The following KIRREL3 variants were observed in gnomAD, a reference collection of about 807,000 sequenced individuals.
KIRREL3 encodes the protein kirre like nephrin family adhesion molecule 3.
A neutral mutation model predicts 89.7 loss-of-function variants in KIRREL3; 36 were observed. That is an observed-to-expected ratio of 0.40 (90% CI 0.31 to 0.53). The LOEUF (loss-of-function observed/expected upper bound fraction) is 0.53. Among genes scored for constraint, KIRREL3 ranks in the 20% least tolerant of loss-of-function variants. KIRREL3 has a pLI of 0.49. For missense variants in KIRREL3, 864 were observed against 1,056.6 expected (o/e 0.82, Z 2.53); for synonymous variants, 445 against 441.4 (o/e 1.01, Z -0.10).
rs1420874911 is a variant in KIRREL3, at chr11:126,628,215, C to A, written c.56-65303G>T. On this transcript the variant is annotated intron_variant, in intron 1 of 16. Transcript: ENST00000525144. The surrounding 1 kb of genome is among the most constrained non-coding windows in gnomAD (Gnocchi z 5.2). ...TGCATCCCACTGCACTGTCTGAGCA[C>A]TCATCAAGACCTGCTCACCACCCAC... Among the ~76,000 whole-genome samples, 1 of 152,192 alleles carries A rather than the reference C, an allele frequency of 6.6e-6. No individual in the cohort carries two copies. Among genetic ancestry groups the A allele is most frequent in the African/African-American group, 2.4e-5 (1 of 41,438 alleles).
At chr11:126,542,820 C>T (rs543021184) in intron 2 of KIRREL3, among the ~76,000 whole-genome samples, 29 of 152,310 alleles carry the variant, frequency 1.9e-4, no homozygotes, top group Middle Eastern at 3.4e-3. Flanking sequence ...GGAATGGGGA[C>T]AATTTGCCAA....
rs976399000 is a variant in KIRREL3, at chr11:126,973,849, C to T, written c.55+26606G>A. Among the ~76,000 whole-genome samples, 33 of 152,250 alleles carry T rather than the reference C, an allele frequency of 2.2e-4. 2 individuals are homozygous for T. The highest frequency in any genetic ancestry group is 7.2e-4 in the African/African-American group (30 of 41,542). ...TTCATCAAATATTTATTGTTGCTCC[C>T]ACTGTGCCAGGTACTATTGAAATCC... is the stretch of plus-strand genomic sequence containing the variant. On this transcript the variant is annotated intron_variant, in intron 1 of 16. Transcript: ENST00000525144.
rs144578900 is a variant in KIRREL3, at chr11:126,500,899, A to G, written c.433+20416T>C. ...CACGCTCTGACCATGTGAGGAGTTC[A>G]AGTATAATTTACTTCATTCACAGCT... On this transcript the variant is annotated intron_variant, in intron 4 of 16. Transcript: ENST00000525144. 6.3e-4 allele frequency among the ~76,000 whole-genome samples: 96 copies of G among 152,322 alleles called. 1 individual carries two copies. The East Asian group carries it at 0.017, about 27-fold the overall frequency.
At chr11:126,813,097 C>G (rs773200763) in intron 1 of KIRREL3, among the ~76,000 whole-genome samples, 1 of 152,080 alleles carries the variant, frequency 6.6e-6, no homozygotes, top group Non-Finnish European at 1.5e-5. Flanking sequence ...AAATAGGGCT[C>G]GTGTCTCCTT....
intron 1 of KIRREL3, among the ~76,000 whole-genome samples, chr11:126,949,280 T>C (rs1024374791): frequency 6.6e-6 from 1 of 152,164 alleles, no homozygotes; most frequent in Non-Finnish European, 1.5e-5. Flanking sequence ...GTGGTTACCA[T>C]GGCCTAGGAA....
chr11:126,919,081 A>G (rs1947163737), intron 1 of KIRREL3, among the ~76,000 whole-genome samples: 1 of 151,672 alleles, frequency 6.6e-6, no homozygotes, highest in African/African-American at 2.4e-5. Context: ...ACCCAAGGAG[A>G]TATGATTTTT....
chr11:126,928,625 T>G, intron 1 of KIRREL3, among the ~76,000 whole-genome samples: 1 of 152,224 alleles, frequency 6.6e-6, no homozygotes, highest in East Asian at 1.9e-4. Flanking sequence ...GTGTTAGCCA[T>G]GCTTGGGGGA....
Position 126,424,257 on chromosome 11 carries a change from C to A in KIRREL3, c.*323G>T. The A allele has an allele frequency of 2.4e-6, 1 of 416,682 alleles. No homozygotes were observed. Among genetic ancestry groups the A allele is most frequent in the Admixed American group, 3.7e-5 (1 of 27,258 alleles). The allele number at this position is 416,682 out of a possible 1,614,324, so 25.8% of individuals were successfully genotyped here. A position where few individuals can be genotyped will look rare whatever the true frequency, so the allele number is the denominator to read the frequency against. On this transcript the variant is annotated 3_prime_UTR_variant, in exon 17 of 17. Transcript: ENST00000525144. Reference sequence around the variant, plus strand: ...CAGTTTCATGAAAGCAGAGTTATAGCTGCCACTTGTGCCTGTGGGCAGAGC... The same window carrying A: ...CAGTTTCATGAAAGCAGAGTTATAGATGCCACTTGTGCCTGTGGGCAGAGC...
In KIRREL3 at chr11:126,579,549, AGAG is replaced by A. The variant is rs1327500888; in HGVS notation, c.56-16640_56-16638del. 2.0e-5 allele frequency among the ~76,000 whole-genome samples: 3 copies of A among 152,296 alleles called. No homozygotes were observed. Among genetic ancestry groups the A allele is most frequent in the South Asian group, 4.2e-4 (2 of 4,812 alleles). On this transcript the variant is annotated intron_variant, in intron 1 of 16. Coordinates refer to ENST00000525144, the MANE Select transcript of KIRREL3 (RefSeq NM_032531.4). This position sits in a 1 kb window ranked among gnomAD's most constrained non-coding sequence, Gnocchi z 5.3. The stretch of plus-strand genomic sequence containing the variant: ...CGGGTTCATGCAAGAAGCCAGTGGA[AGAG>A]GAGAACTGGGGAGACAGAGAGTGAG...
chr11:126,591,044 G>A lies in KIRREL3; in HGVS notation c.56-28132C>T, dbSNP rs112092444. Among the ~76,000 whole-genome samples, 331 of 152,290 alleles carry A rather than the reference G, an allele frequency of 2.2e-3. 2 individuals are homozygous for A. The highest frequency in any genetic ancestry group is 7.2e-3 in the African/African-American group (298 of 41,550). ...AGTTTGAGACCAGCCTGGGTTACAC[G>A]GTAAAATTACGTCTCTACTAAAAAT... On this transcript the variant is annotated intron_variant, in intron 1 of 16. Transcript: ENST00000525144.
Position 126,891,083 on chromosome 11 carries a change from G to A in KIRREL3, c.55+109372C>T, listed in dbSNP as rs890769951. On this transcript the variant is annotated intron_variant, in intron 1 of 16. Transcript: ENST00000525144. The surrounding 1 kb of genome is among the most constrained non-coding windows in gnomAD (Gnocchi z 5.1). ...CTTAGATCTTCAGCCTGCCAAAGAG[G>A]TGGGCTTTTGAAGCTACCTTTATTA... 2.6e-5 allele frequency among the ~76,000 whole-genome samples: 4 copies of A among 152,202 alleles called. No homozygotes were observed. Among genetic ancestry groups the A allele is most frequent in the African/African-American group, 7.2e-5 (3 of 41,440 alleles).
Position 126,614,009 on chromosome 11 carries a change from C to A in KIRREL3, c.56-51097G>T, listed in dbSNP as rs1441347058. Among the ~76,000 whole-genome samples, 4 of 150,156 alleles carry A rather than the reference C, an allele frequency of 2.7e-5. No homozygotes were observed. Among genetic ancestry groups the A allele is most frequent in the Non-Finnish European group, 5.9e-5 (4 of 67,856 alleles). On this transcript the variant is annotated intron_variant, in intron 1 of 16. Coordinates refer to ENST00000525144, the MANE Select transcript of KIRREL3 (RefSeq NM_032531.4). This position sits in a 1 kb window ranked among gnomAD's most constrained non-coding sequence, Gnocchi z 4.6. ...TTGGTTTTAAGAATTGCTTTTGGCT[C>A]TTGATTTATGATGAGGTTCTTTTCT... is the stretch of plus-strand genomic sequence containing the variant.
Position 126,575,511 on chromosome 11 carries a change from G to A in KIRREL3, c.56-12599C>T, listed in dbSNP as rs982488065. Among the ~76,000 whole-genome samples, 8 of 152,100 alleles carry A rather than the reference G, an allele frequency of 5.3e-5. No individual in the cohort carries two copies. The highest frequency in any genetic ancestry group is 3.2e-3 in the Middle Eastern group (1 of 316). On this transcript the variant is annotated intron_variant, in intron 1 of 16. Transcript: ENST00000525144. This position sits in a 1 kb window ranked among gnomAD's most constrained non-coding sequence, Gnocchi z 7.0. ...TGTCTAAATGTATGGAACCAAGGCCGGACACATTGTAAGCCCCTATAAATG... is the reference window on the plus strand; with the variant it reads ...TGTCTAAATGTATGGAACCAAGGCCAGACACATTGTAAGCCCCTATAAATG...
intron 1 of KIRREL3, among the ~76,000 whole-genome samples, chr11:126,757,687 G>A (rs1160655554): frequency 6.6e-6 from 1 of 151,938 alleles, no homozygotes; most frequent in Non-Finnish European, 1.5e-5. Flanking sequence ...GCTCATGAGT[G>A]TCTATGTGCA....
rs373765949 is a variant in KIRREL3 at position 126,446,935 on chromosome 11, G to A, written c.998-49C>T. 14 of 1,583,362 alleles carry A rather than the reference G, an allele frequency of 8.8e-6. No homozygotes were observed. In the Admixed American group the frequency reaches 1.1e-4, roughly 12 times the overall value. On this transcript the variant is annotated intron_variant, in intron 8 of 16. Transcript: ENST00000525144. ...CAGGTTCAGGTGGGTGGGGAGCTCT[G>A]GGATCCTCCTTGCTGCTGCCTCCTT... is the stretch of plus-strand genomic sequence containing the variant.
chr11:126,511,364 C>A (rs909625105), intron 4 of KIRREL3, among the ~76,000 whole-genome samples: 2 of 151,958 alleles, frequency 1.3e-5, no homozygotes, highest in Non-Finnish European at 2.9e-5. Flanking sequence ...GTGGACCCCC[C>A]AGGCTGCCTG....
rs754045380 is a variant in KIRREL3, at chr11:126,957,680, T to C, written c.55+42775A>G. Among the ~76,000 whole-genome samples, 12 of 152,252 alleles carry C rather than the reference T, an allele frequency of 7.9e-5. No homozygotes were observed. The South Asian group carries it at 1.2e-3, about 16-fold the overall frequency. ...GCAGGGTTGGACGTGTTGTAGGGAG[T>C]AGGTGACCTGTTGAGTCAGTGCTGA... On this transcript the variant is annotated intron_variant, in intron 1 of 16. Coordinates refer to ENST00000525144, the MANE Select transcript of KIRREL3 (RefSeq NM_032531.4).
At chr11:126,616,856 G>A (rs1481415083) in intron 1 of KIRREL3, among the ~76,000 whole-genome samples, 1 of 152,138 alleles carries the variant, frequency 6.6e-6, no homozygotes, top group Non-Finnish European at 1.5e-5. Flanking sequence ...TGCCCAGGCT[G>A]GTCTTGAACT....
chr11:126,988,453 C>T (rs1245845369), intron 1 of KIRREL3: 1 of 152,800 alleles, frequency 6.5e-6, no homozygotes, highest in Non-Finnish European at 1.5e-5. Context: ...TGCTGATGGT[C>T]ACACGGCTGT....
Sources: gnomAD v4.1 joint callset for allele counts (sites outside exome capture counted in the v4.1 genomes callset) on GRCh38, gnomAD v4.1.1 for gene constraint, Gnocchi (gnomAD v3.1) non-coding constraint, MANE v1.5 for transcripts, NCBI Gene and HGNC (gene_info 2026-07-23, HGNC 2026-07-21) for gene names.